Variants in CLNK observed in about 807,000 individuals in gnomAD.
CLNK encodes cytokine dependent hematopoietic cell linker, also known as cytokine-dependent hematopoietic cell linker.
A neutral mutation model predicts 68.6 loss-of-function variants in CLNK; 74 were observed. The observed-to-expected ratio is 1.08, with a 90% CI of 0.89 to 1.31. The LOEUF (loss-of-function observed/expected upper bound fraction) is 1.31. CLNK is among the 50% of genes most tolerant of loss of function. CLNK has a pLI of 0.00. For synonymous variants in CLNK, 198 were observed against 172.2 expected, an observed-to-expected ratio of 1.15 and a Z score of -1.17; for missense variants, 553 against 515.3, an observed-to-expected ratio of 1.07 and a Z score of -0.71.
intron 1 of CLNK, among the ~76,000 whole-genome samples, chr4:10,678,750 A>G (rs932105493): frequency 3.3e-5 from 5 of 152,190 alleles, no homozygotes; most frequent in Non-Finnish European, 5.9e-5. Context: ...ACAGAGAGCC[A>G]AATCATGAGT....
intron 1 of CLNK, among the ~76,000 whole-genome samples, chr4:10,671,248 T>C (rs1724623617): frequency 6.6e-6 from 1 of 151,942 alleles, no homozygotes; most frequent in African/African-American, 2.4e-5. Flanking sequence ...GAGCTGGGTA[T>C]GGTGGTGGGC....
chr4:10,728,893 C>T, the CLNK span, among the ~76,000 whole-genome samples: 15 of 151,976 alleles, frequency 9.9e-5, no homozygotes, highest in Admixed American at 7.2e-4. Flanking sequence ...GCTACCACAC[C>T]CGGCCCCTTT....
At chr4:10,664,823 G>C (rs568271834) in intron 2 of CLNK, among the ~76,000 whole-genome samples, 12 of 152,320 alleles carry the variant, frequency 7.9e-5, no homozygotes, top group Admixed American at 3.9e-4. Flanking sequence ...GAGTGTACTA[G>C]GGCATCTTAC....
chr4:10,637,690 G>A (rs1723147198), intron 2 of CLNK, among the ~76,000 whole-genome samples: 1 of 142,186 alleles, frequency 7.0e-6, no homozygotes, highest in East Asian at 2.1e-4. Flanking sequence ...CGCCTCCTTG[G>A]TTCATGCCAT....
chr4:10,702,366 C>T, the CLNK span, among the ~76,000 whole-genome samples: 1 of 151,838 alleles, frequency 6.6e-6, no homozygotes, highest in Admixed American at 6.6e-5. Context: ...GTGCTGAGGA[C>T]TATGGCCAGT....
At chr4:10,630,793 T>C (rs1381472822) in intron 2 of CLNK, among the ~76,000 whole-genome samples, 1 of 152,218 alleles carries the variant, frequency 6.6e-6, no homozygotes, top group Admixed American at 6.5e-5. Context: ...CACAGCCTGG[T>C]CACTGTGCTA....
chr4:10,603,959 G>A (rs913001775), intron 2 of CLNK, among the ~76,000 whole-genome samples: 1 of 152,136 alleles, frequency 6.6e-6, no homozygotes. Context: ...AGAATGAGAA[G>A]GAGCAGAAAG....
chr4:10,576,333 C>G (rs1364368105), intron 4 of CLNK, among the ~76,000 whole-genome samples: 1 of 152,166 alleles, frequency 6.6e-6, no homozygotes, highest in Non-Finnish European at 1.5e-5. Context: ...GATTTCATAT[C>G]TGCATCCCAG....
chr4:10,733,359 C>T, the CLNK span, among the ~76,000 whole-genome samples: 5 of 152,194 alleles, frequency 3.3e-5, no homozygotes, highest in Non-Finnish European at 7.3e-5. Flanking sequence ...CAGATCTTGT[C>T]CCCATCAGTC....
chr4:10,583,820 G>A lies in CLNK; in HGVS notation c.112+1107C>T, dbSNP rs947803999. 3.3e-5 allele frequency among the ~76,000 whole-genome samples: 5 copies of A among 152,198 alleles called. No homozygotes were observed. The East Asian group carries it at 9.6e-4, about 29-fold the overall frequency. ...CTTAACCAAGGTGGGGAGCAAGATG[G>A]GAGGAAGAGGATACAGGTAGTTGGA... On this transcript the variant is annotated intron_variant, in intron 4 of 18. Transcript: ENST00000226951.
chr4:10,639,337 C>T (rs746820660), intron 2 of CLNK, among the ~76,000 whole-genome samples: 17 of 152,188 alleles, frequency 1.1e-4, no homozygotes, highest in Non-Finnish European at 2.1e-4. Flanking sequence ...TTGTCAGTGG[C>T]TTTGGCTCAT....
intron 2 of CLNK, among the ~76,000 whole-genome samples, chr4:10,642,673 A>G (rs1234773362): frequency 6.6e-6 from 1 of 152,192 alleles, no homozygotes; most frequent in Non-Finnish European, 1.5e-5. Flanking sequence ...AAAAGGGGGA[A>G]AAATAAAACA....
At chr4:10,520,254 T>C (rs73809625) in intron 15 of CLNK, among the ~76,000 whole-genome samples, 7,938 of 152,344 alleles carry the variant, frequency 0.052, 496 homozygotes, top group African/African-American at 0.14. Flanking sequence ...GATATCCTTC[T>C]GATTTTTACT....
At chr4:10,697,345 G>A in the CLNK span, 1 of 152,270 alleles carries the variant, frequency 6.6e-6, no homozygotes, top group South Asian at 2.1e-4. Context: ...TACTTGAGCA[G>A]GCCGGGGCTT....
intron 1 of CLNK, among the ~76,000 whole-genome samples, chr4:10,672,286 G>A (rs1053130652): frequency 2.2e-4 from 33 of 152,266 alleles, no homozygotes; most frequent in African/African-American, 6.0e-4. Flanking sequence ...TCACTTTTGC[G>A]TTCTCTGGAT....
intron 2 of CLNK, among the ~76,000 whole-genome samples, chr4:10,632,325 T>A (rs1050867700): frequency 2.6e-4 from 39 of 152,206 alleles, no homozygotes; most frequent in Admixed American, 1.1e-3. Flanking sequence ...ACCATCATCT[T>A]TTTCTATCTC....
intron 3 of CLNK, among the ~76,000 whole-genome samples, chr4:10,592,910 A>G (rs1721229747): frequency 6.6e-6 from 1 of 151,880 alleles, no homozygotes; most frequent in African/African-American, 2.4e-5. Flanking sequence ...ATTTTTTAGT[A>G]GAGATCAGGT....
chr4:10,590,671 T>A (rs941051944), intron 3 of CLNK, among the ~76,000 whole-genome samples: 3 of 152,230 alleles, frequency 2.0e-5, no homozygotes, highest in Non-Finnish European at 4.4e-5. Flanking sequence ...TACTCTAGAA[T>A]AAGATTCTCT....
the CLNK span, among the ~76,000 whole-genome samples, chr4:10,725,852 TAAAAAAAA>T: frequency 1.2e-3 from 164 of 142,184 alleles, no homozygotes; most frequent in South Asian, 3.2e-3. Flanking sequence ...AGACTCCGTC[TAAAAAAAA>T]AAAAGAAAAA....
Sources: allele counts gnomAD v4.1 joint callset (sites outside exome capture counted in the v4.1 genomes callset), GRCh38; gene constraint gnomAD v4.1.1; transcripts MANE v1.5; gene names NCBI Gene and HGNC (gene_info 2026-07-23, HGNC 2026-07-21).